The following IER5L variants were observed in gnomAD, a reference collection of about 807,000 sequenced individuals.
IER5L encodes immediate early response 5 like.
IER5L carries 6 observed loss-of-function variants against 28.3 expected under a neutral mutation model. That is an observed-to-expected ratio of 0.21 (90% CI 0.12 to 0.42). The LOEUF (loss-of-function observed/expected upper bound fraction) is 0.42. Ranked by LOEUF, IER5L falls within the 10% of genes least tolerant of loss-of-function variation. IER5L has a pLI of 1.00. For synonymous variants in IER5L, 351 were observed against 282.5 expected, an observed-to-expected ratio of 1.24 and a Z score of -2.43; for missense variants, 607 against 575.2, an observed-to-expected ratio of 1.06 and a Z score of -0.56.
rs771888266 is a variant in IER5L, at chr9:129,177,864, T to TTGCTGC, written c.183_188dup (p.Gln65_Gln66dup). The stretch of plus-strand genomic sequence containing the variant: ...GCTGGTGGTGGGGCGGCTGCTGCTG[T>TTGCTGC]TGCTGCTGCTGCTGGCGCCGGTAGA... On this transcript the variant is annotated inframe_insertion, in exon 1 of 1. Transcript: ENST00000372491. The TTGCTGC allele has an allele frequency of 7.8e-6, 12 of 1,541,888 alleles. No homozygotes were observed. Among genetic ancestry groups the TTGCTGC allele is most frequent in the Non-Finnish European group, 9.6e-6 (11 of 1,144,496 alleles).
rs1829445349 is a variant in IER5L, at chr9:129,178,205, A to C, written c.-153T>G. On this transcript the variant is annotated 5_prime_UTR_variant, in exon 1 of 1. An upstream start codon of the reference 5' UTR is lost. Coordinates refer to ENST00000372491, the MANE Select transcript of IER5L (RefSeq NM_203434.3). Reference sequence around the variant, plus strand: ...CTGCGCTCCGAAAGGAGCCGCCACCATGCGCCGCGCGCCACCCGCGGGCTC... The same window carrying C: ...CTGCGCTCCGAAAGGAGCCGCCACCCTGCGCCGCGCGCCACCCGCGGGCTC... 3.4e-6 allele frequency: 2 copies of C among 588,140 alleles called. No individual in the cohort carries two copies. Among genetic ancestry groups the C allele is most frequent in the South Asian group, 1.0e-4 (2 of 19,278 alleles). 36.4% of individuals were successfully genotyped at this position (588,140 alleles called of 1,614,324 possible).
Position 129,177,723 on chromosome 9 carries a change from C to A in IER5L, c.330G>T (p.Gln110His). 6.9e-7 allele frequency: 1 copy of A among 1,443,900 alleles called. No homozygotes were observed. The highest frequency in any genetic ancestry group is 1.5e-5 in the African/African-American group (1 of 67,142). The allele number at this position is 1,443,900 out of a possible 1,614,324, so 89.4% of individuals were successfully genotyped here. A position where few individuals can be genotyped will look rare whatever the true frequency, so the allele number is the denominator to read the frequency against. Residue 110 changes from glutamine (Q) to histidine (H), a missense_variant, in exon 1 of 1, where the codon CAG becomes CAT. By Grantham distance (24) the Gln-to-His change is conservative. Transcript: ENST00000372491. ...AEAREPAARH[Q>H]LHQLHQLHQL... ...GGTGGAGCTGGTGGAGCTGGTGCAG[C>A]TGGTGCCGGGCGGCCGGCTCGCGCG...
chr9:129,175,611 G>A lies in IER5L; in HGVS notation c.*1227C>T, dbSNP rs1417485173. On this transcript the variant is annotated 3_prime_UTR_variant, in exon 1 of 1. Coordinates refer to ENST00000372491, the MANE Select transcript of IER5L (RefSeq NM_203434.3). The surrounding 1 kb of genome is among the most constrained non-coding windows in gnomAD (Gnocchi z 5.2). ...TAAACAATCTGAACAGTTTTACCCGGTGATATACAATTCAGTATGCACAAA... is the reference window on the plus strand; with the variant it reads ...TAAACAATCTGAACAGTTTTACCCGATGATATACAATTCAGTATGCACAAA... The A allele has an allele frequency of 6.6e-6, 1 of 152,160 alleles. No homozygotes were observed. Among genetic ancestry groups the A allele is most frequent in the Admixed American group, 6.5e-5 (1 of 15,268 alleles). 9.4% of individuals were successfully genotyped at this position (152,160 alleles called of 1,614,324 possible).
At position 129,176,651 on chromosome 9, in the gene IER5L, T is replaced by C. The variant is rs967787800; in HGVS notation, c.*187A>G. ...GCTTTTTCTCTCTGCAAAAATAAAG[T>C]CCAAGATTTTAGATTTCTTTTTTTT... is the stretch of plus-strand genomic sequence containing the variant. On this transcript the variant is annotated 3_prime_UTR_variant, in exon 1 of 1. Transcript: ENST00000372491. 13 of 804,750 alleles carry C rather than the reference T, an allele frequency of 1.6e-5. No individual in the cohort carries two copies. The highest frequency in any genetic ancestry group is 1.5e-4 in the South Asian group (5 of 32,882). The allele number at this position is 804,750 out of a possible 1,614,324, so 49.9% of individuals were successfully genotyped here. A position where few individuals can be genotyped will look rare whatever the true frequency, so the allele number is the denominator to read the frequency against.
chr9:129,178,081 C>G lies in IER5L; in HGVS notation c.-29G>C. 7.3e-7 allele frequency: 1 copy of G among 1,378,902 alleles called. No homozygotes were observed. The highest frequency in any genetic ancestry group is 1.7e-5 in the South Asian group (1 of 59,034). 85.4% of individuals were successfully genotyped at this position (1,378,902 alleles called of 1,614,324 possible). A position where few individuals can be genotyped will look rare whatever the true frequency, so the allele number is the denominator to read the frequency against. ...CCCGCGGAGACGGCGGCGGAGCAGCCGCCGCCGCTGCTGCTGTTAACGCTT... is the reference window on the plus strand; with the variant it reads ...CCCGCGGAGACGGCGGCGGAGCAGCGGCCGCCGCTGCTGCTGTTAACGCTT... On this transcript the variant is annotated 5_prime_UTR_variant, in exon 1 of 1. Transcript: ENST00000372491.
Position 129,177,908 on chromosome 9 carries a change from TC to T in IER5L, c.144del (p.Ser49AlafsTer27). 1 of 1,558,064 alleles carries T rather than the reference TC, an allele frequency of 6.4e-7. No individual in the cohort carries two copies. The highest frequency in any genetic ancestry group is 8.7e-7 in the Non-Finnish European group (1 of 1,152,490). ...CGGTAGAGCTCGGCGTAGCGCTCGC[TC>T]AGGTAGAGCTGGCGCGCGTTGCGGA... ...YVLRNARQLY[L>X]SERYAELYRR... On this transcript the variant is annotated frameshift_variant, in exon 1 of 1. Transcript: ENST00000372491. LOFTEE classifies it high-confidence loss of function.
chr9:129,175,989 G>A lies in IER5L; in HGVS notation c.*849C>T, dbSNP rs1829387377. The A allele has an allele frequency of 6.6e-6, 1 of 152,192 alleles. No homozygotes were observed. Among genetic ancestry groups the A allele is most frequent in the South Asian group, 2.1e-4 (1 of 4,834 alleles). The allele number at this position is 152,192 out of a possible 1,614,324, so 9.4% of individuals were successfully genotyped here. ...CGGGGCCGCCGGGGATCCAGGTGAA[G>A]GAATTGACTTCCTTTTTTGTTTAGT... On this transcript the variant is annotated 3_prime_UTR_variant, in exon 1 of 1. Transcript: ENST00000372491. The surrounding 1 kb of genome is among the most constrained non-coding windows in gnomAD (Gnocchi z 5.2).
rs758806217 is a variant in IER5L, at chr9:129,177,951, G to C, written c.102C>G (p.Leu34=). The part of the protein sequence containing the change: ...QRGGIKLHKN[L]LVSYVLRNAR... ...CGTTGCGGAGCACGTAGGACACCAG[G>C]AGGTTCTTGTGCAGCTTGATGCCGC... The change falls in exon 1 of 1, where the codon CTC becomes CTG. Residue 34 remains leucine (L), a synonymous_variant. Coordinates refer to ENST00000372491, the MANE Select transcript of IER5L (RefSeq NM_203434.3). 3.1e-6 allele frequency: 5 copies of C among 1,588,196 alleles called. No individual in the cohort carries two copies. The highest frequency in any genetic ancestry group is 4.3e-6 in the Non-Finnish European group (5 of 1,168,936).
In IER5L at chr9:129,176,734, C is replaced by G. The variant is rs1294979390; in HGVS notation, c.*104G>C. On this transcript the variant is annotated 3_prime_UTR_variant, in exon 1 of 1. Transcript: ENST00000372491. ...GCCCCCGCTCGCCCCCAGCTCAGCC[C>G]CGAGTGGCCCGGCGCCCGCTCGTTC... 5.8e-6 allele frequency: 8 copies of G among 1,375,324 alleles called. No homozygotes were observed. Among genetic ancestry groups the G allele is most frequent in the Non-Finnish European group, 7.5e-6 (8 of 1,066,458 alleles). The allele number at this position is 1,375,324 out of a possible 1,614,324, so 85.2% of individuals were successfully genotyped here.
rs1829443527 is a variant in IER5L, at chr9:129,178,103, G to C, written c.-51C>G. 4 of 1,344,060 alleles carry C rather than the reference G, an allele frequency of 3.0e-6. No homozygotes were observed. Among genetic ancestry groups the C allele is most frequent in the Non-Finnish European group, 3.8e-6 (4 of 1,042,846 alleles). The allele number at this position is 1,344,060 out of a possible 1,614,324, so 83.3% of individuals were successfully genotyped here. On this transcript the variant is annotated 5_prime_UTR_variant, in exon 1 of 1. Transcript: ENST00000372491. ...AGCCGCCGCCGCTGCTGCTGTTAACGCTTCTGCTGTTTCTGCCTCCAGCCG... is the reference window on the plus strand; with the variant it reads ...AGCCGCCGCCGCTGCTGCTGTTAACCCTTCTGCTGTTTCTGCCTCCAGCCG...
In IER5L at chr9:129,177,415, CCTGGGGGCGCGGAGCAGGCGGCCG is replaced by C; in HGVS notation, c.614_637del (p.Pro205_Gly213delinsArg). On this transcript the variant is annotated inframe_deletion, in exon 1 of 1. Coordinates refer to ENST00000372491, the MANE Select transcript of IER5L (RefSeq NM_203434.3). ...AGCGGCGGCGGCCGGAGGGGCGGCC[CCTGGGGGCGCGGAGCAGGCGGCCG>C]GGGCGCGAGGGTCCCGCGGGCAGAG... 8.2e-7 allele frequency: 1 copy of C among 1,226,376 alleles called. No individual in the cohort carries two copies. Among genetic ancestry groups the C allele is most frequent in the Non-Finnish European group, 1.0e-6 (1 of 985,042 alleles). 76.0% of individuals were successfully genotyped at this position (1,226,376 alleles called of 1,614,324 possible).
In IER5L at chr9:129,176,954, G is replaced by C. The variant is rs1195477578; in HGVS notation, c.1099C>G (p.Leu367Val). The C allele has an allele frequency of 3.1e-6, 5 of 1,603,954 alleles. No individual in the cohort carries two copies. Among genetic ancestry groups the C allele is most frequent in the Non-Finnish European group, 4.2e-6 (5 of 1,176,578 alleles). ...ISIFGSGFSG[L>V]VSRQPDSSEQ... ...GAGGAGTCCGGCTGTCGGCTCACCA[G>C]CCCCGAGAAGCCGGAGCCAAAGATG... is the stretch of plus-strand genomic sequence containing the variant. The change falls in exon 1 of 1, where the codon CTG (leucine) becomes GTG (valine). Residue 367 changes from leucine (L) to valine (V), a missense_variant. Physicochemically the swap from Leu to Val is conservative, Grantham distance 32. Coordinates refer to ENST00000372491, the MANE Select transcript of IER5L (RefSeq NM_203434.3).
In IER5L at chr9:129,178,199, G is replaced by T; in HGVS notation, c.-147C>A. Reference sequence around the variant, plus strand: ...GTTCGGCTGCGCTCCGAAAGGAGCCGCCACCATGCGCCGCGCGCCACCCGC... The same window carrying T: ...GTTCGGCTGCGCTCCGAAAGGAGCCTCCACCATGCGCCGCGCGCCACCCGC... On this transcript the variant is annotated 5_prime_UTR_variant, in exon 1 of 1. Coordinates refer to ENST00000372491, the MANE Select transcript of IER5L (RefSeq NM_203434.3). 1.7e-6 allele frequency: 1 copy of T among 603,704 alleles called. No homozygotes were observed. The highest frequency in any genetic ancestry group is 2.5e-6 in the Non-Finnish European group (1 of 403,956). 37.4% of individuals were successfully genotyped at this position (603,704 alleles called of 1,614,324 possible).
Position 129,177,365 on chromosome 9 carries a change from C to T in IER5L, c.688G>A (p.Ala230Thr). The T allele has an allele frequency of 1.2e-6, 1 of 864,136 alleles. No homozygotes were observed. Among genetic ancestry groups the T allele is most frequent in the Non-Finnish European group, 1.4e-6 (1 of 690,680 alleles). The allele number at this position is 864,136 out of a possible 1,614,324, so 53.5% of individuals were successfully genotyped here. ...CCCCGGTAGAAGCCGGGGGAGGAGG[C>T]GGGGGCCGGGGAGGCGGGCGGAGAA... ...AASPPASPAPASSPGFYRGAY... is the reference protein window; with the variant it reads ...AASPPASPAPTSSPGFYRGAY... The change falls in exon 1 of 1, where the codon GCC becomes ACC. Residue 230 changes from alanine (A) to threonine (T), a missense_variant. Ala to Thr is a moderately conservative substitution (Grantham distance 58). Transcript: ENST00000372491.
rs938805607 is a variant in IER5L, at chr9:129,176,968, G to A, written c.1085C>T (p.Ser362Phe). Residue 362 changes from serine to phenylalanine, a missense_variant, in exon 1 of 1, where the codon TCC becomes TTC. Physicochemically the swap from Ser to Phe is radical, Grantham distance 155. Transcript: ENST00000372491. Reference sequence around the variant, plus strand: ...TCGGCTCACCAGCCCCGAGAAGCCGGAGCCAAAGATGGAGATCAAGTTTGA... The same window carrying A: ...TCGGCTCACCAGCCCCGAGAAGCCGAAGCCAAAGATGGAGATCAAGTTTGA... ...NISNLISIFG[S>F]GFSGLVSRQP... is the part of the protein sequence containing the mutation. 3.1e-6 allele frequency: 5 copies of A among 1,603,664 alleles called. No individual in the cohort carries two copies. The highest frequency in any genetic ancestry group is 3.4e-6 in the Non-Finnish European group (4 of 1,176,414).
Sources: allele counts gnomAD v4.1 joint callset, GRCh38; gene constraint gnomAD v4.1.1; non-coding constraint Gnocchi (gnomAD v3.1); transcripts MANE v1.5; gene names NCBI Gene and HGNC (gene_info 2026-07-23, HGNC 2026-07-21).